Variants in ITSN2 observed in about 807,000 individuals in gnomAD.
ITSN2 encodes intersectin-2.
ITSN2 carries 156 observed loss-of-function variants against 243.7 expected under a neutral mutation model. The ratio of observed to expected loss-of-function variants is 0.64; its 90% CI spans 0.56 to 0.73. ITSN2 has a LOEUF of 0.73. Among genes scored for constraint, ITSN2 ranks in the 30% least tolerant of loss-of-function variants. The pLI is 0.00. For synonymous variants in ITSN2, 703 were observed against 699.9 expected (o/e 1.00, Z -0.07); for missense variants, 1,801 against 1,996.1 (o/e 0.90, Z 1.86).
rs762552743 is a variant in ITSN2 at position 24,204,683 on chromosome 2, C to G, written c.4763-265G>C. 2.9e-5 allele frequency: 17 copies of G among 594,068 alleles called. No individual in the cohort carries two copies. The highest frequency in any genetic ancestry group is 5.5e-5 in the African/African-American group (3 of 54,902). The allele number at this position is 594,068 out of a possible 1,614,324, so 36.8% of individuals were successfully genotyped here. On this transcript the variant is annotated intron_variant, in intron 38 of 39. Transcript: ENST00000355123. This position sits in a 1 kb window ranked among gnomAD's most constrained non-coding sequence, Gnocchi z 5.1. ...ACGGAACAATCCTGGGTGAGTGTCA[C>G]TGCAACCTGCTGCATGCTTCCTCGG...
intron 23 of ITSN2, among the ~76,000 whole-genome samples, chr2:24,256,402 C>A (rs1221692189): frequency 1.3e-5 from 2 of 152,216 alleles, no homozygotes; most frequent in African/African-American, 4.8e-5. Context: ...TTATTCCTTA[C>A]AGCCTGGCAA....
chr2:24,283,150 A>G (rs1679031865), intron 17 of ITSN2, among the ~76,000 whole-genome samples: 1 of 151,914 alleles, frequency 6.6e-6, no homozygotes, highest in South Asian at 2.1e-4. Flanking sequence ...GCTTCTGCTT[A>G]TCACTCAAGT....
At chr2:24,323,195 T>C (rs1684782381) in intron 2 of ITSN2, among the ~76,000 whole-genome samples, 1 of 442 alleles carries the variant, frequency 2.3e-3, no homozygotes, top group Non-Finnish European at 3.1e-3. Context: ...GACCCAACAA[T>C]AGACTGAGTA....
intron 23 of ITSN2, among the ~76,000 whole-genome samples, chr2:24,257,375 T>A (rs1675194733): frequency 6.6e-6 from 1 of 151,880 alleles, no homozygotes; most frequent in African/African-American, 2.4e-5. Context: ...TTTTATGAAA[T>A]CTGAAATAAC....
chr2:24,287,452 G>A (rs1558557257), intron 15 of ITSN2, among the ~76,000 whole-genome samples: 2 of 152,160 alleles, frequency 1.3e-5, no homozygotes, highest in East Asian at 1.9e-4. Context: ...ATGAAACTGA[G>A]GTCATGCAGT....
At chr2:24,279,496 G>T (rs113337020) in intron 17 of ITSN2, among the ~76,000 whole-genome samples, 261 of 152,200 alleles carry the variant, frequency 1.7e-3, no homozygotes, top group African/African-American at 5.9e-3. Context: ...GTATATAAGA[G>T]TTTACAAAGC....
rs116467724 is a variant in ITSN2, at chr2:24,314,012, G to A, written c.125-489C>T. ...TGTAATGAGCAATCTTAACGAATCC[G>A]GTAACGTTTCCCACTGAGACAAGGG... On this transcript the variant is annotated intron_variant, in intron 3 of 39. Coordinates refer to ENST00000355123, the MANE Select transcript of ITSN2 (RefSeq NM_006277.3). 5.9e-3 allele frequency among the ~76,000 whole-genome samples: 904 copies of A among 152,204 alleles called. 8 individuals are homozygous for A. Among genetic ancestry groups the A allele is most frequent in the African/African-American group, 0.02 (828 of 41,534 alleles).
intron 1 of ITSN2, among the ~76,000 whole-genome samples, chr2:24,337,324 A>ATATATACATATATATATATATATATG (rs1686519857): frequency 1.1e-5 from 1 of 89,114 alleles, no homozygotes. Context: ...AAATATATAT[A>ATATATACATATATATATATATATATG]TATATATATA....
In ITSN2 at chr2:24,224,596, C is replaced by T. The variant is rs151332612; in HGVS notation, c.3578-3530G>A. Among the ~76,000 whole-genome samples the T allele has an allele frequency of 1.4e-4, 21 of 152,046 alleles. No homozygotes were observed. In the East Asian group the frequency reaches 4.1e-3, roughly 29 times the overall value. On this transcript the variant is annotated intron_variant, in intron 29 of 39. Coordinates refer to ENST00000355123, the MANE Select transcript of ITSN2 (RefSeq NM_006277.3). ...TGGGGACACCCCTGGCATGCCATGC[C>T]TAGCTGACCCTTTTGCATTTCATCA...
intron 29 of ITSN2, among the ~76,000 whole-genome samples, chr2:24,237,551 C>T (rs1326099909): frequency 6.6e-6 from 1 of 152,156 alleles, no homozygotes; most frequent in Non-Finnish European, 1.5e-5. Context: ...ACCTGCTTGA[C>T]AACTCTATGT....
At chr2:24,283,620 C>T (rs1333746202) in intron 17 of ITSN2, among the ~76,000 whole-genome samples, 1 of 152,220 alleles carries the variant, frequency 6.6e-6, no homozygotes, top group Admixed American at 6.5e-5. Context: ...AACACAGTCT[C>T]CTGACTGCTC....
chr2:24,275,378 C>A (rs933963464), intron 18 of ITSN2, among the ~76,000 whole-genome samples: 1 of 152,186 alleles, frequency 6.6e-6, no homozygotes, highest in African/African-American at 2.4e-5. Context: ...TTATTTAATA[C>A]ATTTACCTAT....
chr2:24,295,619 A>T, intron 14 of ITSN2, 45 bp downstream of exon 14: 1 of 1,424,496 alleles, frequency 7.0e-7, no homozygotes, highest in Non-Finnish European at 9.3e-7. Context: ...CAGAAGAACT[A>T]TTAATTGTAC....
chr2:24,308,901 C>T (rs761687029), intron 7 of ITSN2, 145 bp from the exon 8 acceptor site: 12 of 615,006 alleles, frequency 2.0e-5, no homozygotes, highest in Admixed American at 1.1e-4. Flanking sequence ...GGCTGGACAG[C>T]GGGGCTCGGT....
chr2:24,261,286 T>G (rs1430051595), intron 21 of ITSN2, 36 bp from the exon 22 acceptor site: 1 of 1,481,342 alleles, frequency 6.8e-7, no homozygotes, highest in East Asian at 2.3e-5. Flanking sequence ...GTATATTTAT[T>G]TGTTTAGAAC....
chr2:24,343,243 A>G (rs1383621982), intron 1 of ITSN2, among the ~76,000 whole-genome samples: 1 of 152,172 alleles, frequency 6.6e-6, no homozygotes, highest in Non-Finnish European at 1.5e-5. Context: ...TAAAAAATAT[A>G]TATATAATAG....
In ITSN2 at chr2:24,313,539, A is replaced by G; in HGVS notation, c.125-16T>C. 6.2e-7 allele frequency: 1 copy of G among 1,602,966 alleles called. No homozygotes were observed. The highest frequency in any genetic ancestry group is 1.1e-5 in the South Asian group (1 of 90,270). On this transcript the variant is annotated splice_polypyrimidine_tract_variant and intron_variant, in intron 3 of 39. Transcript: ENST00000355123. Reference sequence around the variant, plus strand: ...GCTTGATCACCTGGAGGTAATAAAAACAAAACCCAAGCAGCACATTAGTAA... The same window carrying G: ...GCTTGATCACCTGGAGGTAATAAAAGCAAAACCCAAGCAGCACATTAGTAA...
chr2:24,334,886 AC>A (rs1686180277), intron 1 of ITSN2: 2 of 470,532 alleles, frequency 4.3e-6, no homozygotes, highest in African/African-American at 4.1e-5. Context: ...ACAAGGTGAA[AC>A]CCCGTCTCTA....
At chr2:24,241,696 A>T (rs1448877743) in intron 29 of ITSN2, 1 of 152,676 alleles carries the variant, frequency 6.5e-6, no homozygotes, top group Non-Finnish European at 1.5e-5. Context: ...GGCAAACCAC[A>T]TATTGAGCTA....
Sources: allele counts gnomAD v4.1 joint callset (sites outside exome capture counted in the v4.1 genomes callset), GRCh38; gene constraint gnomAD v4.1.1; non-coding constraint Gnocchi (gnomAD v3.1); transcripts MANE v1.5; gene names NCBI Gene and HGNC (gene_info 2026-07-23, HGNC 2026-07-21).